ZSWIM5: variants seen among roughly 807,000 people sequenced by gnomAD.
ZSWIM5 encodes the protein zinc finger SWIM domain-containing protein 5.
In ZSWIM5, 55 loss-of-function variants were observed where a neutral mutation model predicts 119.6. The observed-to-expected ratio is 0.46, with a 90% CI of 0.37 to 0.58. The LOEUF (loss-of-function observed/expected upper bound fraction) is 0.58. Ranked by LOEUF, ZSWIM5 falls within the 20% of genes least tolerant of loss-of-function variation. The probability of loss-of-function intolerance (pLI) is 0.00; values close to 1 mark genes in which losing one functional copy is unlikely to be tolerated. For synonymous variants in ZSWIM5, 537 were observed against 606.9 expected (o/e 0.88, Z 1.69); for missense variants, 1,193 against 1,512.8 (o/e 0.79, Z 3.51).
At chr1:45,096,430 CTGTTTG>C (rs2149015447) in intron 1 of ZSWIM5, among the ~76,000 whole-genome samples, 1 of 132,078 alleles carries the variant, frequency 7.6e-6, no homozygotes, top group South Asian at 2.3e-4. Flanking sequence ...TGGTAGATAA[CTGTTTG>C]TGTGTGTGTG....
intron 1 of ZSWIM5, among the ~76,000 whole-genome samples, chr1:45,154,647 C>G (rs188898317): frequency 6.6e-6 from 1 of 152,066 alleles, no homozygotes; most frequent in African/African-American, 2.4e-5. Context: ...TTTGGGAGAC[C>G]GAGGTGGGTG....
chr1:45,114,882 C>T (rs1399034183), intron 1 of ZSWIM5, among the ~76,000 whole-genome samples: 1 of 152,194 alleles, frequency 6.6e-6, no homozygotes, highest in African/African-American at 2.4e-5. Flanking sequence ...ATCTGTTTAA[C>T]AAAGCACATC....
chr1:45,091,593 T>C (rs1031644520), intron 1 of ZSWIM5, among the ~76,000 whole-genome samples: 10 of 151,766 alleles, frequency 6.6e-5, no homozygotes, highest in Non-Finnish European at 1.2e-4. Flanking sequence ...GCCCAGGAGG[T>C]TGAGGCTGCA....
intron 1 of ZSWIM5, among the ~76,000 whole-genome samples, chr1:45,141,170 T>C (rs1302581636): frequency 1.3e-5 from 2 of 152,324 alleles, no homozygotes; most frequent in East Asian, 3.9e-4. Flanking sequence ...ACGGGAATCA[T>C]CAGAAGTCAA....
In ZSWIM5 at chr1:45,167,673, C is replaced by T. The variant is rs532092245; in HGVS notation, c.595+38083G>A. Reference sequence around the variant, plus strand: ...TCAAAAAGTGGGCGAAGGATATGAACTGACACTTCTCAAAAGAAGACATTT... The same window carrying T: ...TCAAAAAGTGGGCGAAGGATATGAATTGACACTTCTCAAAAGAAGACATTT... On this transcript the variant is annotated intron_variant, in intron 1 of 13. Coordinates refer to ENST00000359600, the MANE Select transcript of ZSWIM5 (RefSeq NM_020883.2). 1.3e-4 allele frequency among the ~76,000 whole-genome samples: 20 copies of T among 152,232 alleles called. No homozygotes were observed. In the East Asian group the frequency reaches 3.3e-3, roughly 25 times the overall value.
intron 1 of ZSWIM5, among the ~76,000 whole-genome samples, chr1:45,171,632 C>G (rs539760997): frequency 6.6e-6 from 1 of 152,028 alleles, no homozygotes; most frequent in East Asian, 1.9e-4. Flanking sequence ...CTCATCAGAA[C>G]CACAAAAGTG....
At chr1:45,147,481 T>G (rs914969630) in intron 1 of ZSWIM5, among the ~76,000 whole-genome samples, 1 of 148,674 alleles carries the variant, frequency 6.7e-6, no homozygotes, top group Non-Finnish European at 1.5e-5. Context: ...AATTACCATA[T>G]AGAAAACGTT....
chr1:45,166,412 A>T (rs1645903598), intron 1 of ZSWIM5, among the ~76,000 whole-genome samples: 1 of 152,120 alleles, frequency 6.6e-6, no homozygotes, highest in Non-Finnish European at 1.5e-5. Context: ...CTGGCACAAG[A>T]CAGGGATGCC....
At chr1:45,174,798 T>C (rs1290534646) in intron 1 of ZSWIM5, among the ~76,000 whole-genome samples, 1 of 151,956 alleles carries the variant, frequency 6.6e-6, no homozygotes, top group African/African-American at 2.4e-5. Flanking sequence ...ATCTCAAACT[T>C]ACAGAAAAGT....
intron 5 of ZSWIM5, among the ~76,000 whole-genome samples, chr1:45,048,033 G>GTTTCTTTC (rs139548010): frequency 0.028 from 3,646 of 128,206 alleles, 88 homozygotes; most frequent in Admixed American, 0.038. Flanking sequence ...TATTATGGTT[G>GTTTCTTTC]TTTCTTTCTT....
intron 5 of ZSWIM5, among the ~76,000 whole-genome samples, chr1:45,048,081 TC>T (rs1482407216): frequency 0.064 from 280 of 4,402 alleles, 10 homozygotes; most frequent in African/African-American, 0.21. Context: ...TTTTCTTTTC[TC>T]TTTTTTTTTT....
intron 1 of ZSWIM5, among the ~76,000 whole-genome samples, chr1:45,150,193 AAAAAG>A (rs1645788503): frequency 6.7e-6 from 1 of 148,960 alleles, no homozygotes; most frequent in South Asian, 2.1e-4. Flanking sequence ...AAAAAAAAAG[AAAAAG>A]AAAAGAAAAA....
chr1:45,160,159 AC>A (rs140537711), intron 1 of ZSWIM5, among the ~76,000 whole-genome samples: 9,531 of 152,168 alleles, frequency 0.063, 343 homozygotes, highest in East Asian at 0.11. Context: ...AAATATATAT[AC>A]TTTTTTTGTT....
In ZSWIM5 at chr1:45,205,894, G is replaced by A. The variant is rs2149059672; in HGVS notation, c.457C>T (p.Pro153Ser). ...GATGCCCCAGCCGCGACGCCCCCGG[G>A]GGCGGAGCCGGCCGGAGCGGCGGCC... is the stretch of plus-strand genomic sequence containing the variant. ...PGAAAPAGSA[P>S]GGVAAGASPG... Residue 153 changes from proline to serine, a missense_variant, in exon 1 of 14, where the codon CCC (proline) becomes TCC (serine). By Grantham distance (74) the Pro-to-Ser change is moderately conservative. Coordinates refer to ENST00000359600, the MANE Select transcript of ZSWIM5 (RefSeq NM_020883.2). 5 of 1,064,808 alleles carry A rather than the reference G, an allele frequency of 4.7e-6. No homozygotes were observed. The East Asian group carries it at 3.6e-4, about 76-fold the overall frequency. The allele number at this position is 1,064,808 out of a possible 1,614,324, so 66.0% of individuals were successfully genotyped here.
chr1:45,051,398 G>A (rs1345362238), intron 4 of ZSWIM5, 145 bp from the exon 5 acceptor site: 5 of 827,532 alleles, frequency 6.0e-6, no homozygotes, highest in Non-Finnish European at 5.4e-6. Context: ...AAGATTTTCA[G>A]AACTGGCTTG....
intron 2 of ZSWIM5, among the ~76,000 whole-genome samples, chr1:45,071,454 CTTTT>C (rs58028758): frequency 2.2e-4 from 21 of 93,752 alleles, no homozygotes; most frequent in Non-Finnish European, 5.9e-5. Context: ...GACAGAATCT[CTTTT>C]TTTTTTTTTT....
chr1:45,111,653 T>C (rs1645519363), intron 1 of ZSWIM5, among the ~76,000 whole-genome samples: 1 of 152,264 alleles, frequency 6.6e-6, no homozygotes, highest in Non-Finnish European at 1.5e-5. Context: ...CTGTATTCCT[T>C]GGCTCATAGC....
intron 11 of ZSWIM5, among the ~76,000 whole-genome samples, chr1:45,022,144 T>A (rs1333980431): frequency 7.7e-6 from 1 of 129,552 alleles, no homozygotes; most frequent in Non-Finnish European, 1.7e-5. Flanking sequence ...ATTTTATTTT[T>A]TTTTGAGACG....
chr1:45,137,738 AAG>A (rs1428204305), intron 1 of ZSWIM5, among the ~76,000 whole-genome samples: 7 of 152,206 alleles, frequency 4.6e-5, no homozygotes, highest in Non-Finnish European at 1.0e-4. Flanking sequence ...GGGACAGTAA[AAG>A]AGAAGTTAGA....
Sources: allele counts gnomAD v4.1 joint callset (sites outside exome capture counted in the v4.1 genomes callset), GRCh38; gene constraint gnomAD v4.1.1; transcripts MANE v1.5; gene names NCBI Gene and HGNC (gene_info 2026-07-23, HGNC 2026-07-21).